RUNDC3B: variants seen among roughly 807,000 people sequenced by gnomAD.
The protein encoded by RUNDC3B is RUN domain containing 3B.
A neutral mutation model predicts 58.4 loss-of-function variants in RUNDC3B; 33 were observed. The ratio of observed to expected loss-of-function variants is 0.56; its 90% CI spans 0.43 to 0.75. RUNDC3B has a LOEUF of 0.75. Ranked by LOEUF, RUNDC3B falls within the 30% of genes least tolerant of loss-of-function variation. The pLI is 0.00. For missense variants in RUNDC3B, 501 were observed against 535.7 expected (o/e 0.94, Z 0.64); for synonymous variants, 193 against 195.2 (o/e 0.99, Z 0.10).
intron 8 of RUNDC3B, among the ~76,000 whole-genome samples, chr7:87,804,475 A>G (rs556838480): frequency 1.3e-5 from 2 of 152,172 alleles, no homozygotes; most frequent in Non-Finnish European, 2.9e-5. Flanking sequence ...TATTTTGAGA[A>G]GCCAAATTCC....
At chr7:87,655,832 G>A (rs1034583024) in intron 2 of RUNDC3B, among the ~76,000 whole-genome samples, 1 of 152,088 alleles carries the variant, frequency 6.6e-6, no homozygotes, top group Non-Finnish European at 1.5e-5. Flanking sequence ...TTTGGGAGGT[G>A]TTCTTAGCTC....
At chr7:87,791,694 A>G (rs1043551137) in intron 8 of RUNDC3B, among the ~76,000 whole-genome samples, 2 of 152,074 alleles carry the variant, frequency 1.3e-5, no homozygotes, top group Non-Finnish European at 2.9e-5. Flanking sequence ...GATGGTAACT[A>G]CAAATTGAAA....
intron 2 of RUNDC3B, among the ~76,000 whole-genome samples, chr7:87,673,039 G>C (rs1585061229): frequency 6.6e-6 from 1 of 152,136 alleles, no homozygotes; most frequent in East Asian, 1.9e-4. Flanking sequence ...GCTGCATTTA[G>C]GACCCCAAAC....
chr7:87,774,926 T>C (rs1034805716), intron 7 of RUNDC3B, among the ~76,000 whole-genome samples: 3 of 152,220 alleles, frequency 2.0e-5, no homozygotes, highest in Admixed American at 6.5e-5. Context: ...CCTATTGCCC[T>C]GCCAGTCATT....
At chr7:87,741,653 C>A in intron 6 of RUNDC3B, 74 bp downstream of exon 6, 2 of 810,668 alleles carry the variant, frequency 2.5e-6, no homozygotes, top group Non-Finnish European at 4.0e-6. Context: ...TTTGTCTGAT[C>A]AAAACTACTT....
intron 2 of RUNDC3B, among the ~76,000 whole-genome samples, chr7:87,654,999 G>A (rs181081017): frequency 1.3e-4 from 20 of 152,104 alleles, no homozygotes; most frequent in African/African-American, 2.9e-4. Context: ...ATATCCCCTC[G>A]TTAGAATGCA....
chr7:87,713,384 A>T (rs1232844908), intron 4 of RUNDC3B: 2 of 152,204 alleles, frequency 1.3e-5, no homozygotes, highest in African/African-American at 2.4e-5. Flanking sequence ...AGCACTAATC[A>T]GTGAAAACCC....
intron 3 of RUNDC3B, among the ~76,000 whole-genome samples, chr7:87,704,354 C>T (rs1829408692): frequency 6.6e-6 from 1 of 152,150 alleles, no homozygotes; most frequent in Non-Finnish European, 1.5e-5. Flanking sequence ...CTAGATGCTA[C>T]ATAAACATTC....
At position 87,831,312 on chromosome 7, in the gene RUNDC3B, G is replaced by C. The variant is rs1356276227; in HGVS notation, c.*1282G>C. 1 of 151,760 alleles carries C rather than the reference G, an allele frequency of 6.6e-6. No individual in the cohort carries two copies. Among genetic ancestry groups the C allele is most frequent in the Non-Finnish European group, 1.5e-5 (1 of 67,826 alleles). 9.4% of individuals were successfully genotyped at this position (151,760 alleles called of 1,614,324 possible). On this transcript the variant is annotated 3_prime_UTR_variant, in exon 11 of 11. Coordinates refer to ENST00000394654, the MANE Select transcript of RUNDC3B (RefSeq NM_001134405.2). ...TGGTTTTTTTGTTTATTATTATTGA[G>C]AAAAGAGCTGAGGTTACCACATTCA...
In RUNDC3B at chr7:87,628,610, TG is replaced by T; in HGVS notation, c.-213del. 6.6e-5 allele frequency: 24 copies of T among 365,850 alleles called. No individual in the cohort carries two copies. Among genetic ancestry groups the T allele is most frequent in the African/African-American group, 4.0e-4 (19 of 47,548 alleles). The allele number at this position is 365,850 out of a possible 1,614,324, so 22.7% of individuals were successfully genotyped here. A position where few individuals can be genotyped will look rare whatever the true frequency, so the allele number is the denominator to read the frequency against. On this transcript the variant is annotated 5_prime_UTR_variant, in exon 1 of 11. Coordinates refer to ENST00000394654, the MANE Select transcript of RUNDC3B (RefSeq NM_001134405.2). ...GTGTGTGTGTGTGTGTGTGTGTGTG[TG>T]TGTGTGTGTGTGTGGAGCTCGGGTG...
chr7:87,731,963 T>A (rs1831603746), intron 4 of RUNDC3B, among the ~76,000 whole-genome samples: 1 of 152,212 alleles, frequency 6.6e-6, no homozygotes, highest in Admixed American at 6.5e-5. Context: ...ACTGCAGAAT[T>A]CACATTCTTC....
chr7:87,767,223 A>G (rs1038454338), intron 6 of RUNDC3B, among the ~76,000 whole-genome samples: 40 of 152,166 alleles, frequency 2.6e-4, no homozygotes, highest in Middle Eastern at 3.4e-3. Flanking sequence ...TGAATTCTTT[A>G]TTTGTCATAA....
chr7:87,752,080 A>G (rs1208429733), intron 6 of RUNDC3B, among the ~76,000 whole-genome samples: 5 of 152,318 alleles, frequency 3.3e-5, no homozygotes, highest in Admixed American at 2.6e-4. Flanking sequence ...AGTTTTTAGC[A>G]TGAAGCGTTG....
At chr7:87,765,113 C>T (rs2130860217) in intron 6 of RUNDC3B, among the ~76,000 whole-genome samples, 1 of 151,788 alleles carries the variant, frequency 6.6e-6, no homozygotes, top group Middle Eastern at 3.4e-3. Context: ...CTTTGATAAT[C>T]TTTTGTATTT....
chr7:87,753,157 G>T (rs1416052521), intron 6 of RUNDC3B, among the ~76,000 whole-genome samples: 1 of 151,198 alleles, frequency 6.6e-6, no homozygotes, highest in Non-Finnish European at 1.5e-5. Context: ...GGAGCAGGTT[G>T]TTCAGTTTCC....
rs546159291 is a variant in RUNDC3B at position 87,780,485 on chromosome 7, C to A, written c.956+2530C>A. On this transcript the variant is annotated intron_variant, in intron 8 of 10. Transcript: ENST00000394654. ...TTTTCTTGTTGATTTAAGTTCCTTA[C>A]AGGTTCTAGATATTAGACATTTGTT... Among the ~76,000 whole-genome samples the A allele has an allele frequency of 7.9e-5, 12 of 152,124 alleles. No homozygotes were observed. The South Asian group carries it at 2.3e-3, about 29-fold the overall frequency.
chr7:87,744,205 G>A (rs1832516756), intron 6 of RUNDC3B, among the ~76,000 whole-genome samples: 1 of 152,136 alleles, frequency 6.6e-6, no homozygotes, highest in Non-Finnish European at 1.5e-5. Flanking sequence ...CACTGTTTTG[G>A]TGACTAGGGC....
At chr7:87,655,740 G>T (rs1824034451) in intron 2 of RUNDC3B, among the ~76,000 whole-genome samples, 1 of 152,094 alleles carries the variant, frequency 6.6e-6, no homozygotes, top group African/African-American at 2.4e-5. Context: ...AAGTATGTGA[G>T]GGCTGTGGTT....
At chr7:87,829,276 T>C (rs62489873) in intron 10 of RUNDC3B, among the ~76,000 whole-genome samples, 1 of 152,240 alleles carries the variant, frequency 6.6e-6, no homozygotes, top group Non-Finnish European at 1.5e-5. Flanking sequence ...CTGTTTACCC[T>C]GTTGATAGTT....
Sources: gnomAD v4.1 joint callset for allele counts (sites outside exome capture counted in the v4.1 genomes callset) on GRCh38, gnomAD v4.1.1 for gene constraint, MANE v1.5 for transcripts, NCBI Gene and HGNC (gene_info 2026-07-23, HGNC 2026-07-21) for gene names.